The following GAP43 variants were observed in gnomAD, a reference collection of about 807,000 sequenced individuals.
The protein encoded by GAP43 is growth associated protein 43, also known as neuromodulin.
Under a neutral mutation model 18.6 loss-of-function variants are expected in GAP43, and 6 were observed. The observed-to-expected ratio is 0.32, with a 90% CI of 0.18 to 0.64. The LOEUF (loss-of-function observed/expected upper bound fraction) is 0.64. GAP43 is among the 30% of genes least tolerant of loss of function. The pLI, the probability that GAP43 is intolerant of heterozygous loss-of-function variation, is 0.78. For synonymous variants in GAP43, 115 were observed against 111.4 expected (o/e 1.03, Z -0.20); for missense variants, 292 against 295.5 (o/e 0.99, Z 0.09).
At chr3:115,664,494 A>T (rs1708707078) in intron 1 of GAP43, among the ~76,000 whole-genome samples, 1 of 152,194 alleles carries the variant, frequency 6.6e-6, no homozygotes, top group Non-Finnish European at 1.5e-5. Context: ...TAGGATTCTA[A>T]TATGGGTGAT....
At chr3:115,634,568 G>A (rs1192631801) in intron 1 of GAP43, among the ~76,000 whole-genome samples, 3 of 151,986 alleles carry the variant, frequency 2.0e-5, no homozygotes, top group Non-Finnish European at 2.9e-5. Context: ...TCAGGAGTTC[G>A]AGACCAGCCT....
chr3:115,694,121 G>A (rs759835137), intron 2 of GAP43, among the ~76,000 whole-genome samples: 5 of 152,174 alleles, frequency 3.3e-5, no homozygotes, highest in Non-Finnish European at 7.3e-5. Context: ...GGGGAGGGGG[G>A]AGCAGTCATT....
intron 2 of GAP43, among the ~76,000 whole-genome samples, chr3:115,710,256 CTT>C (rs11361613): frequency 3.4e-5 from 5 of 148,384 alleles, no homozygotes; most frequent in African/African-American, 4.9e-5. Context: ...TTCACCTACT[CTT>C]TTTTTTTTTG....
At chr3:115,634,611 A>G (rs1288465068) in intron 1 of GAP43, among the ~76,000 whole-genome samples, 1 of 151,990 alleles carries the variant, frequency 6.6e-6, no homozygotes, top group African/African-American at 2.4e-5. Flanking sequence ...TTCTACAAAA[A>G]ATAAAAAAAT....
intron 2 of GAP43, among the ~76,000 whole-genome samples, chr3:115,708,610 G>A (rs1229832009): frequency 6.6e-6 from 1 of 152,206 alleles, no homozygotes; most frequent in Non-Finnish European, 1.5e-5. Flanking sequence ...GAGCTCTGAA[G>A]CACAAACTGC....
At chr3:115,672,857 TC>T (rs1708831895) in intron 1 of GAP43, among the ~76,000 whole-genome samples, 1 of 151,898 alleles carries the variant, frequency 6.6e-6, no homozygotes, top group Admixed American at 6.6e-5. Context: ...CCAACTAATC[TC>T]TAAAATTTAG....
intron 1 of GAP43, chr3:115,663,375 T>A (rs904527409): frequency 8.6e-6 from 2 of 232,598 alleles, no homozygotes; most frequent in African/African-American, 4.7e-5. Flanking sequence ...TTCCTTCTGA[T>A]AAGAATGCAT....
At chr3:115,692,670 T>C (rs897624684) in intron 2 of GAP43, among the ~76,000 whole-genome samples, 2 of 152,186 alleles carry the variant, frequency 1.3e-5, no homozygotes, top group Admixed American at 6.5e-5. Context: ...AGGTAGGGTA[T>C]GTTGGACCTT....
rs1708531283 is a variant in GAP43 at position 115,652,389 on chromosome 3, A to ATTT, written c.31-23623_31-23622insTTT. Among the ~76,000 whole-genome samples the ATTT allele has an allele frequency of 6.5e-3, 166 of 25,550 alleles. 4 individuals carry two copies. Among genetic ancestry groups the ATTT allele is most frequent in the Middle Eastern group, 0.024 (1 of 42 alleles). 16.8% of individuals were successfully genotyped at this position (25,550 alleles called of 152,430 possible). ...TTTTTTTTTTTTTTTTTTTTTTGTGATAGAGTCTTGCTCTGTTGAGTCTTG... is the reference window on the plus strand; with the variant it reads ...TTTTTTTTTTTTTTTTTTTTTTGTGATTTTAGAGTCTTGCTCTGTTGAGTCTTG... On this transcript the variant is annotated intron_variant, in intron 1 of 2. Transcript: ENST00000305124.
At chr3:115,641,037 CT>C (rs1161384206) in intron 1 of GAP43, among the ~76,000 whole-genome samples, 127 of 33,304 alleles carry the variant, frequency 3.8e-3, no homozygotes, top group Middle Eastern at 0.013. Context: ...TTTTTTTTTT[CT>C]TTTTTTTTTT....
chr3:115,655,390 T>C (rs1318898173), intron 1 of GAP43, among the ~76,000 whole-genome samples: 3 of 152,244 alleles, frequency 2.0e-5, no homozygotes, highest in Non-Finnish European at 2.9e-5. Context: ...CCAGGGTATA[T>C]ATTTATGTGA....
At chr3:115,707,837 T>C (rs1448882412) in intron 2 of GAP43, among the ~76,000 whole-genome samples, 1 of 152,088 alleles carries the variant, frequency 6.6e-6, no homozygotes, top group South Asian at 2.1e-4. Flanking sequence ...CTTTTTATAA[T>C]CCAATATTTT....
intron 1 of GAP43, among the ~76,000 whole-genome samples, chr3:115,649,310 C>A (rs556964272): frequency 6.6e-6 from 1 of 152,068 alleles, no homozygotes; most frequent in South Asian, 2.1e-4. Flanking sequence ...GACCTAATCA[C>A]CTCCGAAAGG....
At chr3:115,645,013 C>T (rs1438799335) in intron 1 of GAP43, among the ~76,000 whole-genome samples, 2 of 151,984 alleles carry the variant, frequency 1.3e-5, no homozygotes, top group Non-Finnish European at 2.9e-5. Flanking sequence ...GGAGAAACAA[C>T]TTTAAAATGT....
chr3:115,672,330 G>A (rs1416301872), intron 1 of GAP43, among the ~76,000 whole-genome samples: 1 of 152,160 alleles, frequency 6.6e-6, no homozygotes, highest in Admixed American at 6.5e-5. Context: ...TTCATCTTAA[G>A]TAAGCGCTTC....
chr3:115,711,896 A>G (rs1709443986), intron 2 of GAP43, among the ~76,000 whole-genome samples: 1 of 152,226 alleles, frequency 6.6e-6, no homozygotes, highest in Non-Finnish European at 1.5e-5. Context: ...AATAATGGTA[A>G]GAAATAAAGT....
intron 1 of GAP43, chr3:115,661,314 T>C (rs1708656057): frequency 6.6e-6 from 1 of 152,124 alleles, no homozygotes. Flanking sequence ...GACGCCTAGA[T>C]TTAGCTGTAA....
chr3:115,641,459 A>G (rs1401638531), intron 1 of GAP43, among the ~76,000 whole-genome samples: 1 of 151,262 alleles, frequency 6.6e-6, no homozygotes, highest in East Asian at 2.0e-4. Flanking sequence ...ATATATAGAG[A>G]GAGAAAGAGT....
intron 1 of GAP43, among the ~76,000 whole-genome samples, chr3:115,669,984 AAT>A (rs1708794573): frequency 8.6e-6 from 1 of 115,802 alleles, no homozygotes; most frequent in Non-Finnish European, 1.7e-5. Context: ...TTTTTTTTTT[AAT>A]TTTTTTTTTA....
Sources: allele counts gnomAD v4.1 joint callset (sites outside exome capture counted in the v4.1 genomes callset), GRCh38; gene constraint gnomAD v4.1.1; transcripts MANE v1.5; gene names NCBI Gene and HGNC (gene_info 2026-07-23, HGNC 2026-07-21).